Variants in DPP10 observed in about 807,000 individuals in gnomAD.
DPP10 encodes the protein inactive dipeptidyl peptidase 10.
A neutral mutation model predicts 120.9 loss-of-function variants in DPP10; 33 were observed. That is an observed-to-expected ratio of 0.27 (90% CI 0.21 to 0.37). The LOEUF is 0.37. Among genes scored for constraint, DPP10 ranks in the 10% least tolerant of loss-of-function variants. The pLI is 1.00. For missense variants in DPP10, 816 were observed against 942.8 expected (o/e 0.87, Z 1.76); for synonymous variants, 337 against 326.1 (o/e 1.03, Z -0.36).
intron 1 of DPP10, among the ~76,000 whole-genome samples, chr2:114,621,928 G>A (rs994624694): frequency 6.6e-6 from 1 of 151,798 alleles, no homozygotes; most frequent in Admixed American, 6.6e-5. Context: ...CTAGCCCTGG[G>A]CTGGCTGCTG....
At chr2:115,440,208 A>T (rs2071901449) in intron 3 of DPP10, among the ~76,000 whole-genome samples, 1 of 152,124 alleles carries the variant, frequency 6.6e-6, no homozygotes, top group East Asian at 1.9e-4. Context: ...TTATATGAAA[A>T]GTGAAGTTGA....
At chr2:114,834,822 ACACC>A (rs1687545728) in intron 1 of DPP10, among the ~76,000 whole-genome samples, 1 of 127,376 alleles carries the variant, frequency 7.9e-6, no homozygotes, top group African/African-American at 5.1e-5. Context: ...CCATGTCTAC[ACACC>A]TATGTATATA....
chr2:115,058,530 G>C lies in DPP10; in HGVS notation c.61-250709G>C, dbSNP rs564805369. ...TTCTCATGCCTCAGCCTCCTGAGTC[G>C]CTGGGATTACAGGCACCTGCCACCA... On this transcript the variant is annotated intron_variant, in intron 1 of 25. Transcript: ENST00000410059. 2.0e-5 allele frequency among the ~76,000 whole-genome samples: 3 copies of C among 152,010 alleles called. No individual in the cohort carries two copies. The East Asian group carries it at 5.8e-4, about 30-fold the overall frequency.
rs1417712849 is a variant in DPP10 at position 115,500,893 on chromosome 2, G to A, written c.366+1289G>A. Among the ~76,000 whole-genome samples, 4 of 151,910 alleles carry A rather than the reference G, an allele frequency of 2.6e-5. No individual in the cohort carries two copies. The East Asian group carries it at 5.8e-4, about 22-fold the overall frequency. The stretch of plus-strand genomic sequence containing the variant: ...CAGTGGATGGTCCTCAGGGATACTA[G>A]AAAAAAGCCTAGAGAATCATTGAGA... On this transcript the variant is annotated intron_variant, in intron 4 of 25. Coordinates refer to ENST00000410059, the MANE Select transcript of DPP10 (RefSeq NM_020868.6).
At chr2:114,800,870 C>T (rs1370389492) in intron 1 of DPP10, among the ~76,000 whole-genome samples, 1 of 151,400 alleles carries the variant, frequency 6.6e-6, no homozygotes, top group Non-Finnish European at 1.5e-5. Context: ...CCAAGGAAAT[C>T]ATATGTATTA....
chr2:114,997,303 C>T (rs1701151157), intron 1 of DPP10, among the ~76,000 whole-genome samples: 3 of 138,616 alleles, frequency 2.2e-5, no homozygotes, highest in South Asian at 4.8e-4. Flanking sequence ...TCCTGGTCAA[C>T]ATGGTGAAAC....
intron 1 of DPP10, among the ~76,000 whole-genome samples, chr2:115,299,063 A>AT (rs1355288959): frequency 1.3e-5 from 2 of 152,020 alleles, no homozygotes; most frequent in Non-Finnish European, 2.9e-5. Context: ...TGTTTTACAT[A>AT]TATTGGGAGA....
In DPP10 at chr2:114,673,591, G is replaced by T. The variant is rs951097965; in HGVS notation, c.60+230753G>T. Among the ~76,000 whole-genome samples, 5 of 151,912 alleles carry T rather than the reference G, an allele frequency of 3.3e-5. No individual in the cohort carries two copies. The South Asian group carries it at 8.3e-4, about 25-fold the overall frequency. ...CTGCCTCAGCCTCCCAAGAAGATGGGTCTACAGATGCACACCACCTCATCT... is the reference window on the plus strand; with the variant it reads ...CTGCCTCAGCCTCCCAAGAAGATGGTTCTACAGATGCACACCACCTCATCT... On this transcript the variant is annotated intron_variant, in intron 1 of 25. Transcript: ENST00000410059.
At chr2:115,051,063 G>A (rs1705442399) in intron 1 of DPP10, among the ~76,000 whole-genome samples, 1 of 152,150 alleles carries the variant, frequency 6.6e-6, no homozygotes, top group African/African-American at 2.4e-5. Flanking sequence ...TTCTCAAAAT[G>A]TCCAGTTTTC....
At chr2:115,672,061 C>T (rs1465904737) in intron 5 of DPP10, among the ~76,000 whole-genome samples, 1 of 152,150 alleles carries the variant, frequency 6.6e-6, no homozygotes, top group Non-Finnish European at 1.5e-5. Flanking sequence ...GTATTGACAG[C>T]TGAGAACAGT....
At chr2:115,402,208 A>G (rs1253021254) in intron 3 of DPP10, among the ~76,000 whole-genome samples, 1 of 152,180 alleles carries the variant, frequency 6.6e-6, no homozygotes, top group East Asian at 1.9e-4. Context: ...CAGTTTCTAC[A>G]GTTGGGAAAG....
At chr2:115,508,518 A>G (rs1193568257) in intron 4 of DPP10, among the ~76,000 whole-genome samples, 1 of 152,228 alleles carries the variant, frequency 6.6e-6, no homozygotes, top group African/African-American at 2.4e-5. Flanking sequence ...AAAGTTAAAT[A>G]TTGCTTTTAC....
chr2:114,807,683 C>T (rs1308277289), intron 1 of DPP10, among the ~76,000 whole-genome samples: 1 of 152,100 alleles, frequency 6.6e-6, no homozygotes, highest in Non-Finnish European at 1.5e-5. Flanking sequence ...TGTTTCTGCA[C>T]ATAGTTTTGT....
intron 1 of DPP10, among the ~76,000 whole-genome samples, chr2:114,574,411 A>G (rs1689900747): frequency 6.6e-6 from 1 of 152,216 alleles, no homozygotes; most frequent in Non-Finnish European, 1.5e-5. Flanking sequence ...TCATTATGAA[A>G]GGAAAAGAGA....
chr2:115,522,222 G>A (rs541272040), intron 4 of DPP10, among the ~76,000 whole-genome samples: 2 of 152,056 alleles, frequency 1.3e-5, no homozygotes, highest in East Asian at 1.9e-4. Flanking sequence ...TGATTACTCC[G>A]CCTCTCTGTG....
intron 5 of DPP10, among the ~76,000 whole-genome samples, chr2:115,529,664 G>C (rs920972511): frequency 6.6e-6 from 1 of 152,018 alleles, no homozygotes; most frequent in Non-Finnish European, 1.5e-5. Flanking sequence ...AGTAAAAAAT[G>C]ATCAATTATT....
chr2:115,603,552 T>TTGC (rs1219322743), intron 5 of DPP10, among the ~76,000 whole-genome samples: 349 of 27,508 alleles, frequency 0.013, 4 homozygotes, highest in Non-Finnish European at 0.018. Context: ...TGTGTTTTCG[T>TTGC]TGTTGTTGTT....
intron 1 of DPP10, among the ~76,000 whole-genome samples, chr2:115,150,771 G>A (rs1435392888): frequency 2.0e-5 from 3 of 152,114 alleles, no homozygotes; most frequent in Admixed American, 6.5e-5. Context: ...TGGTATGTTC[G>A]TAAGCATAAA....
chr2:114,670,845 G>A (rs560346703), intron 1 of DPP10, among the ~76,000 whole-genome samples: 1 of 152,232 alleles, frequency 6.6e-6, no homozygotes, highest in African/African-American at 2.4e-5. Flanking sequence ...CATCTTAGAA[G>A]TAAATAATTG....
Sources: allele counts gnomAD v4.1 joint callset (sites outside exome capture counted in the v4.1 genomes callset), GRCh38; gene constraint gnomAD v4.1.1; transcripts MANE v1.5; gene names NCBI Gene and HGNC (gene_info 2026-07-23, HGNC 2026-07-21).